Variants in CACYBP observed in about 807,000 individuals in gnomAD.
The protein encoded by CACYBP is calcyclin binding protein, also known as calcyclin-binding protein.
In CACYBP, 11 loss-of-function variants were observed where a neutral mutation model predicts 29.6. That is an observed-to-expected ratio of 0.37 (90% CI 0.23 to 0.61). The LOEUF (loss-of-function observed/expected upper bound fraction) is 0.61. Among genes scored for constraint, CACYBP ranks in the 20% least tolerant of loss-of-function variants. CACYBP has a pLI of 0.65. For missense variants in CACYBP, 163 were observed against 260.7 expected (o/e 0.63, Z 2.58); for synonymous variants, 73 against 88.3 (o/e 0.83, Z 0.97).
In CACYBP at chr1:175,010,070, G is replaced by C. The variant is rs529899663; in HGVS notation, c.678G>C (p.Thr226=). 2 of 1,612,160 alleles carry C rather than the reference G, an allele frequency of 1.2e-6. No individual in the cohort carries two copies. The highest frequency in any genetic ancestry group is 1.7e-5 in the Admixed American group (1 of 59,640). Residue 226 remains threonine, a synonymous_variant, in exon 6 of 6, where the codon ACG becomes ACC. Transcript: ENST00000367679. ...ESREKQAKGD[T]EF is the part of the protein sequence containing the mutation. ...GAGAGAAGCAAGCCAAAGGAGACAC[G>C]GAATTTTGAGACTTTAAAGTCGTTT...
chr1:175,005,799 A>G (rs920325498), intron 2 of CACYBP, among the ~76,000 whole-genome samples: 1 of 152,186 alleles, frequency 6.6e-6, no homozygotes, highest in African/African-American at 2.4e-5. Context: ...AAACTTGTCA[A>G]TCCGGAGGAT....
At chr1:175,005,003 G>A (rs1249378489) in intron 2 of CACYBP, 170 bp downstream of exon 2, 2 of 664,044 alleles carry the variant, frequency 3.0e-6, no homozygotes, top group Non-Finnish European at 5.5e-6. Flanking sequence ...AGGAAAGGAT[G>A]CGTTCTAGAA....
rs919143517 is a variant in CACYBP at position 175,000,388 on chromosome 1, A to T, written c.15+193A>T. 59 of 1,413,088 alleles carry T rather than the reference A, an allele frequency of 4.2e-5. 2 individuals are homozygous for T. In the South Asian group the frequency reaches 8.4e-4, roughly 20 times the overall value. 87.5% of individuals were successfully genotyped at this position (1,413,088 alleles called of 1,614,324 possible). A position where few individuals can be genotyped will look rare whatever the true frequency, so the allele number is the denominator to read the frequency against. On this transcript the variant is annotated intron_variant, in intron 1 of 5. Coordinates refer to ENST00000367679, the MANE Select transcript of CACYBP (RefSeq NM_014412.3). Reference sequence around the variant, plus strand: ...GTCGGCTCCCCAGCGCTTCCACTCGACCTCGCACCCCACTCGCCTGCTGGG... The same window carrying T: ...GTCGGCTCCCCAGCGCTTCCACTCGTCCTCGCACCCCACTCGCCTGCTGGG...
At chr1:175,000,779 C>G (rs1292499089) in intron 1 of CACYBP, among the ~76,000 whole-genome samples, 3 of 152,112 alleles carry the variant, frequency 2.0e-5, no homozygotes, top group Non-Finnish European at 4.4e-5. Context: ...CAGCAATCTG[C>G]TGTATGTGAT....
intron 1 of CACYBP, among the ~76,000 whole-genome samples, chr1:175,001,292 A>G (rs1672482851): frequency 6.6e-6 from 1 of 152,204 alleles, no homozygotes; most frequent in South Asian, 2.1e-4. Flanking sequence ...TTAGAAATAT[A>G]CATTTGAGGG....
Position 175,004,708 on chromosome 1 carries a change from A to AGACAGAAATCAAGAACAAGATGC in CACYBP, c.111_133dup (p.Gln45ArgfsTer37), listed in dbSNP as rs1672572688. 1 of 1,613,854 alleles carries AGACAGAAATCAAGAACAAGATGC rather than the reference A, an allele frequency of 6.2e-7. No individual in the cohort carries two copies. The highest frequency in any genetic ancestry group is 8.5e-7 in the Non-Finnish European group (1 of 1,179,830). On this transcript the variant is annotated frameshift_variant, in exon 2 of 6. Transcript: ENST00000367679. LOFTEE classifies it high-confidence loss of function. Reference sequence around the variant, plus strand: ...CTTACAGCTGAAAAATCCAAGATTGAGACAGAAATCAAGAACAAGATGCAA... The same window carrying AGACAGAAATCAAGAACAAGATGC: ...CTTACAGCTGAAAAATCCAAGATTGAGACAGAAATCAAGAACAAGATGCGACAGAAATCAAGAACAAGATGCAA...
chr1:175,001,135 TC>T (rs1672476810), intron 1 of CACYBP, among the ~76,000 whole-genome samples: 1 of 152,226 alleles, frequency 6.6e-6, no homozygotes, highest in South Asian at 2.1e-4. Flanking sequence ...GTTTGTGTGT[TC>T]CAGTATTAAT....
chr1:175,005,244 CT>C (rs1672590432), intron 2 of CACYBP, among the ~76,000 whole-genome samples: 2 of 152,160 alleles, frequency 1.3e-5, no homozygotes. Context: ...TGTGCTTTGA[CT>C]TACGGATACA....
chr1:175,007,269 A>T (rs1381391047), intron 4 of CACYBP, 72 bp downstream of exon 4: 1 of 861,928 alleles, frequency 1.2e-6, no homozygotes, highest in African/African-American at 1.7e-5. Flanking sequence ...TAGAACTGAG[A>T]TGAACTGGAA....
intron 2 of CACYBP, among the ~76,000 whole-genome samples, chr1:175,006,211 A>G (rs189275359): frequency 3.9e-5 from 6 of 152,328 alleles, no homozygotes; most frequent in Non-Finnish European, 5.9e-5. Context: ...CATTTAACAG[A>G]TACCAGTAGG....
chr1:175,004,675 G>A lies in CACYBP; in HGVS notation c.77G>A (p.Arg26His), dbSNP rs754178037. 5.6e-6 allele frequency: 9 copies of A among 1,613,832 alleles called. No homozygotes were observed. In the East Asian group the frequency reaches 1.1e-4, roughly 20 times the overall value. ...LLEKATRKRV[R>H]DALTAEKSKI... ...GAAAAGGCTACTAGGAAAAGAGTAC[G>A]TGATGCCCTTACAGCTGAAAAATCC... Residue 26 changes from arginine (R) to histidine (H), a missense_variant, in exon 2 of 6, where the codon CGT becomes CAT. Arg to His is a conservative substitution (Grantham distance 29). Coordinates refer to ENST00000367679, the MANE Select transcript of CACYBP (RefSeq NM_014412.3).
At chr1:175,007,051 A>G (rs369204691) in intron 3 of CACYBP, 47 bp from the exon 4 acceptor site, 1 of 1,288,456 alleles carries the variant, frequency 7.8e-7, no homozygotes, top group African/African-American at 1.5e-5. Context: ...GAGTAAGGGT[A>G]CCTTTCATAG....
At position 175,000,079 on chromosome 1, in the gene CACYBP, G is replaced by GTGTC; in HGVS notation, c.-100_-99insTCTG. 6.8e-7 allele frequency: 1 copy of GTGTC among 1,481,436 alleles called. No individual in the cohort carries two copies. The highest frequency in any genetic ancestry group is 9.2e-7 in the Non-Finnish European group (1 of 1,084,104). 91.8% of individuals were successfully genotyped at this position (1,481,436 alleles called of 1,614,324 possible). A position where few individuals can be genotyped will look rare whatever the true frequency, so the allele number is the denominator to read the frequency against. ...GGCGCAGGCTGCAGCGCCGCGACTC[G>GTGTC]TGCGGGTAGGCGTCTGCGCTCGGTT... On this transcript the variant is annotated 5_prime_UTR_variant, in exon 1 of 6. Transcript: ENST00000367679.
In CACYBP at chr1:175,008,721, AT is replaced by A; in HGVS notation, c.530+22del. 5.8e-6 allele frequency: 7 copies of A among 1,217,040 alleles called. No individual in the cohort carries two copies. The highest frequency in any genetic ancestry group is 8.6e-6 in the Non-Finnish European group (7 of 818,346). The allele number at this position is 1,217,040 out of a possible 1,614,324, so 75.4% of individuals were successfully genotyped here. ...AAAGAAAAAGAGTGAGTCTACTTCCATTTTTTTAAAGAATTTTAGTGTATTG... is the reference window on the plus strand; with the variant it reads ...AAAGAAAAAGAGTGAGTCTACTTCCATTTTTTAAAGAATTTTAGTGTATTG... On this transcript the variant is annotated intron_variant, in intron 5 of 5. Transcript: ENST00000367679.
intron 4 of CACYBP, among the ~76,000 whole-genome samples, chr1:175,007,955 ATAAT>A (rs985296051): frequency 5.3e-5 from 8 of 152,208 alleles, no homozygotes; most frequent in African/African-American, 1.9e-4. Context: ...TTTATAATAC[ATAAT>A]TACTTAACAG....
Position 175,011,763 on chromosome 1 carries a change from T to C in CACYBP, c.*1684T>C, listed in dbSNP as rs1320395204. 1 of 152,010 alleles carries C rather than the reference T, an allele frequency of 6.6e-6. No homozygotes were observed. Among genetic ancestry groups the C allele is most frequent in the Non-Finnish European group, 1.5e-5 (1 of 67,978 alleles). The allele number at this position is 152,010 out of a possible 1,614,324, so 9.4% of individuals were successfully genotyped here. ...GTATTGAGTTGAGGCTGTGGAGAAA[T>C]AAGGACACATATATGGGAATGGAAT... is the stretch of plus-strand genomic sequence containing the variant. On this transcript the variant is annotated 3_prime_UTR_variant, in exon 6 of 6. Coordinates refer to ENST00000367679, the MANE Select transcript of CACYBP (RefSeq NM_014412.3).
At chr1:175,006,305 G>T (rs1280748008) in intron 2 of CACYBP, among the ~76,000 whole-genome samples, 1 of 152,110 alleles carries the variant, frequency 6.6e-6, no homozygotes, top group Non-Finnish European at 1.5e-5. Flanking sequence ...GATTCCATTT[G>T]TTTGACTACT....
chr1:175,008,958 GT>G, intron 5 of CACYBP: 1 of 383,904 alleles, frequency 2.6e-6, no homozygotes, highest in South Asian at 4.7e-5. Context: ...TGTTTCGGTA[GT>G]TTGAGAGGGG....
At chr1:175,005,839 TAAA>T (rs1672607983) in intron 2 of CACYBP, among the ~76,000 whole-genome samples, 1 of 152,178 alleles carries the variant, frequency 6.6e-6, no homozygotes, top group Non-Finnish European at 1.5e-5. Context: ...AAACTATTAA[TAAA>T]TGAAGTTCTC....
Sources: gnomAD v4.1 joint callset for allele counts (sites outside exome capture counted in the v4.1 genomes callset) on GRCh38, gnomAD v4.1.1 for gene constraint, MANE v1.5 for transcripts, NCBI Gene and HGNC (gene_info 2026-07-23, HGNC 2026-07-21) for gene names.